The following EPDR1 variants were observed in gnomAD, a reference collection of about 807,000 sequenced individuals.
EPDR1 encodes the protein mammalian ependymin-related protein 1.
A neutral mutation model predicts 23.7 loss-of-function variants in EPDR1; 27 were observed. That is an observed-to-expected ratio of 1.14 (90% CI 0.84 to 1.57). The LOEUF (loss-of-function observed/expected upper bound fraction) is 1.57, where lower values mean the gene tolerates loss of function less well. Among genes scored for constraint, EPDR1 ranks in the 40% most tolerant of loss-of-function variants. The probability of loss-of-function intolerance (pLI) is 0.00; values close to 1 mark genes in which losing one functional copy is unlikely to be tolerated. For synonymous variants in EPDR1, 137 were observed against 118.2 expected (o/e 1.16, Z -1.03); for missense variants, 349 against 290.4 (o/e 1.20, Z -1.47).
chr7:37,921,297 T>C, intron 1 of EPDR1, 89 bp downstream of exon 1: 1 of 1,463,652 alleles, frequency 6.8e-7, no homozygotes, highest in Non-Finnish European at 8.9e-7. Context: ...CTGTAACTCT[T>C]TCCGGCCCCT....
intron 1 of EPDR1, among the ~76,000 whole-genome samples, chr7:37,923,212 G>A (rs951303250): frequency 3.9e-5 from 6 of 152,200 alleles, no homozygotes; most frequent in Non-Finnish European, 8.8e-5. Flanking sequence ...GCCATGTGGA[G>A]CAAAAGTGGA....
chr7:37,925,541 G>A (rs1785795937), intron 1 of EPDR1, among the ~76,000 whole-genome samples: 1 of 152,120 alleles, frequency 6.6e-6, no homozygotes, highest in Non-Finnish European at 1.5e-5. Flanking sequence ...TTATTTCTTG[G>A]AGAAGAGAAT....
intron 1 of EPDR1, among the ~76,000 whole-genome samples, chr7:37,922,319 C>A (rs933437710): frequency 2.0e-5 from 3 of 152,212 alleles, no homozygotes; most frequent in African/African-American, 7.2e-5. Flanking sequence ...AAAGGGCAGA[C>A]CCTTTCAAAC....
intron 1 of EPDR1, among the ~76,000 whole-genome samples, chr7:37,933,346 A>G (rs1466646958): frequency 6.6e-6 from 1 of 152,180 alleles, no homozygotes; most frequent in Non-Finnish European, 1.5e-5. Flanking sequence ...CTGTAATTTA[A>G]TATATCTTGG....
intron 1 of EPDR1, among the ~76,000 whole-genome samples, chr7:37,924,572 A>AT (rs919336523): frequency 2.6e-5 from 4 of 152,124 alleles, no homozygotes; most frequent in African/African-American, 9.7e-5. Flanking sequence ...GCTTAGAAGC[A>AT]TTTTTGTCCC....
intron 1 of EPDR1, among the ~76,000 whole-genome samples, chr7:37,946,606 C>T (rs767488460): frequency 2.1e-4 from 32 of 152,154 alleles, no homozygotes; most frequent in Admixed American, 1.7e-3. Context: ...CTGCCTCAGG[C>T]AGGTCCTTCA....
At chr7:37,929,144 A>G (rs531378018) in intron 1 of EPDR1, among the ~76,000 whole-genome samples, 2 of 152,074 alleles carry the variant, frequency 1.3e-5, no homozygotes, top group South Asian at 2.1e-4. Flanking sequence ...TGCATGACTT[A>G]CTCCCAAATT....
In EPDR1 at chr7:37,920,809, A is replaced by G; in HGVS notation, c.-131A>G. 1 of 1,606,830 alleles carries G rather than the reference A, an allele frequency of 6.2e-7. No homozygotes were observed. Among genetic ancestry groups the G allele is most frequent in the Non-Finnish European group, 8.5e-7 (1 of 1,178,268 alleles). On this transcript the variant is annotated 5_prime_UTR_variant, in exon 1 of 3. Coordinates refer to ENST00000199448, the MANE Select transcript of EPDR1 (RefSeq NM_017549.5). ...AAGCGGCAGAGGCCACCGAAGGGAC[A>G]GGAAGCACTTTGGTCCAGACCACAC...
rs984410841 is a variant in EPDR1 at position 37,951,154 on chromosome 7, C to T, written c.*758C>T. On this transcript the variant is annotated 3_prime_UTR_variant, in exon 3 of 3. Coordinates refer to ENST00000199448, the MANE Select transcript of EPDR1 (RefSeq NM_017549.5). ...AAGAGTATTGATGTATGTGCTGAAT[C>T]TTCACAGACTTGTCAATACACAGGC... The T allele has an allele frequency of 6.6e-6, 1 of 152,160 alleles. No homozygotes were observed. Among genetic ancestry groups the T allele is most frequent in the African/African-American group, 2.4e-5 (1 of 41,426 alleles). The allele number at this position is 152,160 out of a possible 1,614,324, so 9.4% of individuals were successfully genotyped here.
intron 1 of EPDR1, among the ~76,000 whole-genome samples, chr7:37,928,664 TGCTA>T (rs1489201218): frequency 6.6e-6 from 1 of 152,202 alleles, no homozygotes; most frequent in African/African-American, 2.4e-5. Context: ...GCTTTCAACA[TGCTA>T]GTCTTCTGGT....
At chr7:37,937,922 A>T (rs1005920256) in intron 1 of EPDR1, among the ~76,000 whole-genome samples, 15 of 150,654 alleles carry the variant, frequency 1.0e-4, no homozygotes, top group African/African-American at 3.6e-4. Context: ...AGGTCCTGGG[A>T]ATTTAACCAT....
intron 1 of EPDR1, among the ~76,000 whole-genome samples, chr7:37,933,217 C>T (rs150514477): frequency 2.6e-5 from 4 of 152,310 alleles, no homozygotes; most frequent in African/African-American, 7.2e-5. Flanking sequence ...GTCAGATGGC[C>T]GGCATGCATT....
intron 1 of EPDR1, among the ~76,000 whole-genome samples, chr7:37,934,159 G>C (rs1347656715): frequency 6.6e-6 from 1 of 152,052 alleles, no homozygotes; most frequent in African/African-American, 2.4e-5. Flanking sequence ...TGTATTTTTA[G>C]TAGAGACGGA....
chr7:37,937,985 ATTTT>A (rs35752051), intron 1 of EPDR1, among the ~76,000 whole-genome samples: 11 of 72,404 alleles, frequency 1.5e-4, no homozygotes, highest in Admixed American at 1.9e-4. Context: ...TGCCCTTTAA[ATTTT>A]TTTTTTTTTT....
intron 1 of EPDR1, among the ~76,000 whole-genome samples, chr7:37,945,678 C>T (rs10085558): frequency 0.15 from 22,646 of 152,148 alleles, 1,879 homozygotes; most frequent in African/African-American, 0.23. Flanking sequence ...GTCAGTTGTA[C>T]ACAATTCTAG....
At chr7:37,945,392 A>G (rs1033983867) in intron 1 of EPDR1, among the ~76,000 whole-genome samples, 1 of 152,198 alleles carries the variant, frequency 6.6e-6, no homozygotes, top group Non-Finnish European at 1.5e-5. Flanking sequence ...GCCGTTTCAA[A>G]TCTTTTCTGA....
At chr7:37,947,134 C>T (rs926261793) in intron 1 of EPDR1, among the ~76,000 whole-genome samples, 2 of 152,202 alleles carry the variant, frequency 1.3e-5, no homozygotes, top group African/African-American at 4.8e-5. Flanking sequence ...TCGAGTCCTG[C>T]AGGCTCCATT....
intron 1 of EPDR1, among the ~76,000 whole-genome samples, chr7:37,936,998 C>A (rs1786067353): frequency 6.6e-6 from 1 of 152,066 alleles, no homozygotes; most frequent in Non-Finnish European, 1.5e-5. Context: ...GTAAATTTGA[C>A]CAAATGTTGA....
chr7:37,940,632 GTTA>G (rs970639137), intron 1 of EPDR1, among the ~76,000 whole-genome samples: 20 of 152,050 alleles, frequency 1.3e-4, no homozygotes, highest in Admixed American at 2.6e-4. Context: ...TAGTTTTGAA[GTTA>G]TTATTTCAAA....
Sources: gnomAD v4.1 joint callset for allele counts (sites outside exome capture counted in the v4.1 genomes callset) on GRCh38, gnomAD v4.1.1 for gene constraint, MANE v1.5 for transcripts, NCBI Gene and HGNC (gene_info 2026-07-23, HGNC 2026-07-21) for gene names.